TAFA5: variants seen among roughly 807,000 people sequenced by gnomAD.
TAFA5 encodes TAFA chemokine like family member 5.
TAFA5 carries 6 observed loss-of-function variants against 15.3 expected under a neutral mutation model. That is an observed-to-expected ratio of 0.39 (90% CI 0.21 to 0.77). TAFA5 has a LOEUF of 0.77. Ranked by LOEUF, TAFA5 falls within the 30% of genes least tolerant of loss-of-function variation. TAFA5 has a pLI of 0.41. For missense variants in TAFA5, 161 were observed against 193.1 expected (o/e 0.83, Z 0.98); for synonymous variants, 103 against 80.7 (o/e 1.28, Z -1.48).
intron 2 of TAFA5, among the ~76,000 whole-genome samples, chr22:48,687,855 G>C (rs1029495272): frequency 3.3e-5 from 5 of 152,168 alleles, no homozygotes; most frequent in African/African-American, 9.7e-5. Flanking sequence ...GGCTCCACCA[G>C]CACTTAGCGC....
chr22:48,541,328 T>C (rs930041313), intron 1 of TAFA5, among the ~76,000 whole-genome samples: 1 of 152,076 alleles, frequency 6.6e-6, no homozygotes, highest in African/African-American at 2.4e-5. Context: ...GCTGGGGTGT[T>C]TGTGCAGGTA....
intron 1 of TAFA5, among the ~76,000 whole-genome samples, chr22:48,601,940 G>A (rs73427923): frequency 0.03 from 4,439 of 149,478 alleles, 195 homozygotes; most frequent in African/African-American, 0.1. Flanking sequence ...TTCGTTGATG[G>A]GCTGTCTCAT....
At chr22:48,599,026 G>C (rs1208917391) in intron 1 of TAFA5, among the ~76,000 whole-genome samples, 1 of 152,176 alleles carries the variant, frequency 6.6e-6, no homozygotes, top group Admixed American at 6.5e-5. Flanking sequence ...AGGGGCGTGG[G>C]TGCTGAGCCC....
rs777968584 is a variant in TAFA5, at chr22:48,629,273, G to A, written c.113-17324G>A. ...TCTCCCCTGCTTGCTCAGCTCACAC[G>A]CCCTCTCCCAGGCCTCCCATCCTCC... On this transcript the variant is annotated intron_variant, in intron 1 of 3. Transcript: ENST00000402357. 6.1e-4 allele frequency among the ~76,000 whole-genome samples: 93 copies of A among 152,146 alleles called. 1 individual carries two copies. Among genetic ancestry groups the A allele is most frequent in the Admixed American group, 2.8e-3 (43 of 15,286 alleles).
chr22:48,619,395 GC>G (rs1925725281), intron 1 of TAFA5, among the ~76,000 whole-genome samples: 1 of 152,144 alleles, frequency 6.6e-6, no homozygotes, highest in Non-Finnish European at 1.5e-5. Context: ...TCACTCTGTC[GC>G]CCAGGCTGGA....
chr22:48,591,787 AG>A lies in TAFA5; in HGVS notation c.113-54807del, dbSNP rs777403928. 2.7e-4 allele frequency among the ~76,000 whole-genome samples: 41 copies of A among 152,234 alleles called. 2 individuals are homozygous for A. The South Asian group carries it at 5.2e-3, about 19-fold the overall frequency. On this transcript the variant is annotated intron_variant, in intron 1 of 3. Transcript: ENST00000402357. ...CAGTCAGGAGATGGTGGCGTGGCAG[AG>A]GGAGGAGGCACTGGGCTCGCGGAAG...
chr22:48,536,386 G>A (rs16999349), intron 1 of TAFA5, among the ~76,000 whole-genome samples: 20,768 of 152,274 alleles, frequency 0.14, 1,890 homozygotes, highest in African/African-American at 0.25. Flanking sequence ...CATAAAAGAC[G>A]AGCCCGGAGA....
rs1186618646 is a variant in TAFA5 at position 48,530,082 on chromosome 22, TA to T, written c.112+40379del. On this transcript the variant is annotated intron_variant, in intron 1 of 3. Coordinates refer to ENST00000402357, the MANE Select transcript of TAFA5 (RefSeq NM_001082967.3). The surrounding 1 kb of genome is among the most constrained non-coding windows in gnomAD (Gnocchi z 6.0). The stretch of plus-strand genomic sequence containing the variant: ...CTCTGCTTTGTGGGGCTGGGCTGAG[TA>T]GGGTGAGGGAAGCCCTGGCGTCTGC... Among the ~76,000 whole-genome samples, 3 of 151,964 alleles carry T rather than the reference TA, an allele frequency of 2.0e-5. No homozygotes were observed. The highest frequency in any genetic ancestry group is 4.8e-5 in the African/African-American group (2 of 41,362).
chr22:48,570,194 G>T (rs1923536528), intron 1 of TAFA5, among the ~76,000 whole-genome samples: 1 of 152,226 alleles, frequency 6.6e-6, no homozygotes, highest in Non-Finnish European at 1.5e-5. Flanking sequence ...GTCTGTGATT[G>T]TTAGAGGCAC....
intron 3 of TAFA5, among the ~76,000 whole-genome samples, chr22:48,715,429 A>C (rs1443353639): frequency 1.3e-5 from 2 of 152,184 alleles, no homozygotes; most frequent in African/African-American, 4.8e-5. Context: ...GCGGACATGC[A>C]TCCAGACACA....
chr22:48,679,827 G>A (rs1928121194), intron 2 of TAFA5, among the ~76,000 whole-genome samples: 1 of 151,914 alleles, frequency 6.6e-6, no homozygotes, highest in Admixed American at 6.6e-5. Context: ...GTTCCATGAA[G>A]CGCCGCCCTC....
At chr22:48,665,583 C>T (rs971982680) in intron 2 of TAFA5, among the ~76,000 whole-genome samples, 3 of 152,230 alleles carry the variant, frequency 2.0e-5, no homozygotes, top group African/African-American at 7.2e-5. Context: ...TCTCAAGGCA[C>T]ATTTTTTTTC....
At chr22:48,651,400 G>A (rs1324691854) in intron 2 of TAFA5, among the ~76,000 whole-genome samples, 3 of 152,248 alleles carry the variant, frequency 2.0e-5, no homozygotes, top group Non-Finnish European at 4.4e-5. Context: ...TGCCCAGGAA[G>A]GGGCAGGGCC....
At chr22:48,580,818 C>T (rs901792018) in intron 1 of TAFA5, among the ~76,000 whole-genome samples, 20 of 152,208 alleles carry the variant, frequency 1.3e-4, no homozygotes, top group Non-Finnish European at 2.6e-4. Flanking sequence ...TCTCAGACTG[C>T]GTGTGGAGGG....
chr22:48,504,515 G>C (rs1920974734), intron 1 of TAFA5, among the ~76,000 whole-genome samples: 1 of 150,844 alleles, frequency 6.6e-6, no homozygotes, highest in Admixed American at 6.6e-5. Flanking sequence ...GTGAGGCCGT[G>C]AGTCCGGGCA....
chr22:48,686,166 G>A (rs1322369724), intron 2 of TAFA5, among the ~76,000 whole-genome samples: 1 of 152,236 alleles, frequency 6.6e-6, no homozygotes, highest in African/African-American at 2.4e-5. Context: ...TGGGCAGCAG[G>A]CAGTATGGCG....
chr22:48,542,638 A>ATGTGTGTGTGG (rs1569019339), intron 1 of TAFA5, among the ~76,000 whole-genome samples: 50 of 84,962 alleles, frequency 5.9e-4, no homozygotes, highest in Non-Finnish European at 7.6e-4. Context: ...TGGGTGTGTG[A>ATGTGTGTGTGG]TGTGTGTGTG....
At chr22:48,504,880 A>G (rs1601837925) in intron 1 of TAFA5, among the ~76,000 whole-genome samples, 1 of 152,146 alleles carries the variant, frequency 6.6e-6, no homozygotes, top group Non-Finnish European at 1.5e-5. Flanking sequence ...TGCAGGGTCC[A>G]GCCTTGGGGG....
chr22:48,668,424 T>C (rs112862493), intron 2 of TAFA5, among the ~76,000 whole-genome samples: 1 of 24,774 alleles, frequency 4.0e-5, no homozygotes, highest in Admixed American at 5.0e-4. Flanking sequence ...GCGTTTTCAC[T>C]GGGAGCTGTA....
Sources: allele counts gnomAD v4.1 joint callset (sites outside exome capture counted in the v4.1 genomes callset), GRCh38; gene constraint gnomAD v4.1.1; non-coding constraint Gnocchi (gnomAD v3.1); transcripts MANE v1.5; gene names NCBI Gene and HGNC (gene_info 2026-07-23, HGNC 2026-07-21).